SLC22A23: variants seen among roughly 807,000 people sequenced by gnomAD.
SLC22A23 encodes the protein ion transporter protein.
In SLC22A23, 26 loss-of-function variants were observed where a neutral mutation model predicts 61.0. The observed-to-expected ratio is 0.43, with a 90% CI of 0.31 to 0.59. SLC22A23 has a LOEUF of 0.59. Ranked by LOEUF, SLC22A23 falls within the 20% of genes least tolerant of loss-of-function variation. The pLI is 0.11. For missense variants in SLC22A23, 796 were observed against 934.7 expected, an observed-to-expected ratio of 0.85 and a Z score of 1.94; for synonymous variants, 430 against 413.9, an observed-to-expected ratio of 1.04 and a Z score of -0.47.
chr6:3,343,170 T>C (rs972999242), intron 3 of SLC22A23, among the ~76,000 whole-genome samples: 3 of 152,218 alleles, frequency 2.0e-5, no homozygotes, highest in African/African-American at 7.2e-5. Flanking sequence ...GTCCTGCATC[T>C]GCTGGTTCTC....
rs1254903133 is a variant in SLC22A23 at position 3,309,588 on chromosome 6, C to T, written c.1083-11370G>A. On this transcript the variant is annotated intron_variant, in intron 4 of 9. Transcript: ENST00000406686. This position sits in a 1 kb window ranked among gnomAD's most constrained non-coding sequence, Gnocchi z 4.7. The stretch of plus-strand genomic sequence containing the variant: ...ACTGTGGGCTGACGAGCAGGTGGCA[C>T]CTGACCATAATAAGGACTGTGGGCT... Among the ~76,000 whole-genome samples the T allele has an allele frequency of 1.3e-5, 2 of 151,716 alleles. No individual in the cohort carries two copies. Among genetic ancestry groups the T allele is most frequent in the Non-Finnish European group, 2.9e-5 (2 of 67,928 alleles).
chr6:3,434,425 A>G (rs1478542653), intron 1 of SLC22A23, among the ~76,000 whole-genome samples: 1 of 152,096 alleles, frequency 6.6e-6, no homozygotes, highest in Non-Finnish European at 1.5e-5. Flanking sequence ...CCTGGCCAAC[A>G]TGGTGAAATC....
chr6:3,301,079 A>C (rs753240813), intron 4 of SLC22A23, among the ~76,000 whole-genome samples: 1 of 152,210 alleles, frequency 6.6e-6, no homozygotes, highest in Non-Finnish European at 1.5e-5. Context: ...AGGAAATAGA[A>C]ACAGATACAT....
chr6:3,423,397 C>T (rs749092537), intron 1 of SLC22A23, among the ~76,000 whole-genome samples: 1 of 152,080 alleles, frequency 6.6e-6, no homozygotes, highest in Non-Finnish European at 1.5e-5. Context: ...TACAGGGCCC[C>T]GATGGCATTT....
intron 3 of SLC22A23, among the ~76,000 whole-genome samples, chr6:3,378,912 G>A (rs2127472202): frequency 6.6e-6 from 1 of 152,210 alleles, no homozygotes; most frequent in Non-Finnish European, 1.5e-5. Flanking sequence ...ACCTGCCTCA[G>A]CCTCCCAAAG....
At position 3,297,516 on chromosome 6, in the gene SLC22A23, G is replaced by A. The variant is rs1239267679; in HGVS notation, c.1210+575C>T. Among the ~76,000 whole-genome samples the A allele has an allele frequency of 6.6e-6, 1 of 152,194 alleles. No homozygotes were observed. Among genetic ancestry groups the A allele is most frequent in the Non-Finnish European group, 1.5e-5 (1 of 68,050 alleles). Reference sequence around the variant, plus strand: ...GTGCCAGGGAGAGGCCCAGGAATCTGGATTTTAACAACCTCCTGGTGATAC... The same window carrying A: ...GTGCCAGGGAGAGGCCCAGGAATCTAGATTTTAACAACCTCCTGGTGATAC... On this transcript the variant is annotated intron_variant, in intron 5 of 9. Transcript: ENST00000406686. The surrounding 1 kb of genome is among the most constrained non-coding windows in gnomAD (Gnocchi z 4.3).
At chr6:3,287,208 A>G (rs1008224894) in intron 6 of SLC22A23, 117 bp from the exon 7 acceptor site, 1 of 915,878 alleles carries the variant, frequency 1.1e-6, no homozygotes, top group Middle Eastern at 2.2e-4. Flanking sequence ...TCAATGTGTC[A>G]TAGAAAAGCC....
chr6:3,343,868 G>T (rs1049271970), intron 3 of SLC22A23, among the ~76,000 whole-genome samples: 8 of 152,216 alleles, frequency 5.3e-5, no homozygotes, highest in African/African-American at 1.9e-4. Context: ...AAGACAGAAG[G>T]CACAGGATGG....
In SLC22A23 at chr6:3,269,476, T is replaced by C. The variant is rs1758336828; in HGVS notation, c.*3579A>G. Reference sequence around the variant, plus strand: ...GAGGAAATCTGTTAATGGGGCAACGTTTTTATTTCTGTACATTTACATACA... The same window carrying C: ...GAGGAAATCTGTTAATGGGGCAACGCTTTTATTTCTGTACATTTACATACA... On this transcript the variant is annotated 3_prime_UTR_variant, in exon 10 of 10. Transcript: ENST00000406686. 6.5e-6 allele frequency: 1 copy of C among 152,716 alleles called. No individual in the cohort carries two copies. 9.5% of individuals were successfully genotyped at this position (152,716 alleles called of 1,614,324 possible).
At chr6:3,332,701 A>G (rs996921097) in intron 3 of SLC22A23, among the ~76,000 whole-genome samples, 1 of 152,198 alleles carries the variant, frequency 6.6e-6, no homozygotes, top group Non-Finnish European at 1.5e-5. Flanking sequence ...AATTAACAAT[A>G]ATTCTTTAAT....
chr6:3,398,575 T>G (rs1288490941), intron 3 of SLC22A23, among the ~76,000 whole-genome samples: 1 of 151,318 alleles, frequency 6.6e-6, no homozygotes, highest in Non-Finnish European at 1.5e-5. Flanking sequence ...GTGCAGGAGA[T>G]TCAGAGGCCC....
intron 1 of SLC22A23, chr6:3,439,486 A>T: frequency 3.5e-6 from 1 of 283,556 alleles, no homozygotes; most frequent in South Asian, 3.2e-5. Flanking sequence ...TGGTTTAAAG[A>T]CATAATCAAC....
At position 3,360,155 on chromosome 6, in the gene SLC22A23, T is replaced by A. The variant is rs940128261; in HGVS notation, c.914-36153A>T. 6.6e-6 allele frequency among the ~76,000 whole-genome samples: 1 copy of A among 152,108 alleles called. No homozygotes were observed. On this transcript the variant is annotated intron_variant, in intron 3 of 9. Transcript: ENST00000406686. This position sits in a 1 kb window ranked among gnomAD's most constrained non-coding sequence, Gnocchi z 4.6. ...TGGGGACAGAGTTTGTTTGGGAAGA[T>A]GAAAAGACCTCTAGAGATGAAGGGT...
intron 3 of SLC22A23, among the ~76,000 whole-genome samples, chr6:3,344,585 TA>T (rs909515656): frequency 6.6e-6 from 1 of 152,076 alleles, no homozygotes; most frequent in African/African-American, 2.4e-5. Context: ...AGCCATTCTA[TA>T]ATGTTTGGGA....
At chr6:3,381,991 C>CCTGA (rs750464145) in intron 3 of SLC22A23, among the ~76,000 whole-genome samples, 14 of 152,288 alleles carry the variant, frequency 9.2e-5, no homozygotes, top group East Asian at 7.7e-4. Flanking sequence ...CCTCACTTAC[C>CCTGA]CTGATGTCAC....
At position 3,297,629 on chromosome 6, in the gene SLC22A23, A is replaced by G. The variant is rs1440707150; in HGVS notation, c.1210+462T>C. 2.6e-5 allele frequency among the ~76,000 whole-genome samples: 4 copies of G among 152,154 alleles called. No individual in the cohort carries two copies. The highest frequency in any genetic ancestry group is 4.4e-5 in the Non-Finnish European group (3 of 68,024). On this transcript the variant is annotated intron_variant, in intron 5 of 9. Coordinates refer to ENST00000406686, the MANE Select transcript of SLC22A23 (RefSeq NM_015482.2). The surrounding 1 kb of genome is among the most constrained non-coding windows in gnomAD (Gnocchi z 4.3). Reference sequence around the variant, plus strand: ...TATGGATCTGAACGACTATCCAAAAACACTTCACCTTTCCTGTCTTCAGCT... The same window carrying G: ...TATGGATCTGAACGACTATCCAAAAGCACTTCACCTTTCCTGTCTTCAGCT...
At chr6:3,276,546 C>T (rs1758923647) in intron 9 of SLC22A23, 1 of 152,814 alleles carries the variant, frequency 6.5e-6, no homozygotes, top group Admixed American at 6.5e-5. Context: ...TGCACAGGTC[C>T]TGGGGGCCCC....
In SLC22A23 at chr6:3,324,012, A is replaced by G; in HGVS notation, c.914-10T>C. ...GGGCACAGCTCTATTCCTAGAACAC[A>G]GAACCAATGAGAGAGAGATGAGTGC... On this transcript the variant is annotated splice_polypyrimidine_tract_variant and intron_variant, in intron 3 of 9. Coordinates refer to ENST00000406686, the MANE Select transcript of SLC22A23 (RefSeq NM_015482.2). The surrounding 1 kb of genome is among the most constrained non-coding windows in gnomAD (Gnocchi z 4.3). 1 of 1,612,716 alleles carries G rather than the reference A, an allele frequency of 6.2e-7. No homozygotes were observed. The highest frequency in any genetic ancestry group is 1.7e-5 in the Admixed American group (1 of 59,980).
chr6:3,409,910 T>C (rs1032374045), intron 3 of SLC22A23, among the ~76,000 whole-genome samples: 1 of 152,152 alleles, frequency 6.6e-6, no homozygotes, highest in Non-Finnish European at 1.5e-5. Flanking sequence ...AGCCTCTCCA[T>C]ATCAGGAAAG....
Sources: gnomAD v4.1 joint callset for allele counts (sites outside exome capture counted in the v4.1 genomes callset) on GRCh38, gnomAD v4.1.1 for gene constraint, Gnocchi (gnomAD v3.1) non-coding constraint, MANE v1.5 for transcripts, NCBI Gene and HGNC (gene_info 2026-07-23, HGNC 2026-07-21) for gene names.